Variants in REPS2 observed in about 807,000 individuals in gnomAD.
The protein encoded by REPS2 is RALBP1 associated Eps domain containing 2.
REPS2 carries 23 observed loss-of-function variants against 53.6 expected under a neutral mutation model. The observed-to-expected ratio is 0.43, with a 90% CI of 0.31 to 0.61. The LOEUF (loss-of-function observed/expected upper bound fraction) is 0.61, where lower values mean the gene tolerates loss of function less well. Ranked by LOEUF, REPS2 falls within the 20% of genes least tolerant of loss-of-function variation. The pLI, the probability that REPS2 is intolerant of heterozygous loss-of-function variation, is 0.11. For synonymous variants in REPS2, 238 were observed against 218.6 expected (o/e 1.09, Z -0.78); for missense variants, 446 against 534.9 (o/e 0.83, Z 1.64).
chrX:17,060,039 G>A (rs777074693), intron 8 of REPS2, among the ~76,000 whole-genome samples: 3 of 84,227 alleles, frequency 3.6e-5, no homozygotes, highest in South Asian at 5.5e-4. Flanking sequence ...GGTGGCTCAC[G>A]CCTGTAATCC....
intron 5 of REPS2, among the ~76,000 whole-genome samples, chrX:17,039,139 G>A (rs1426303536): frequency 8.9e-6 from 1 of 111,733 alleles, no homozygotes; most frequent in Non-Finnish European, 1.9e-5. Flanking sequence ...TCATCGCTTC[G>A]TTAATGGAAG....
chrX:17,161,448 A>G, the REPS2 span, among the ~76,000 whole-genome samples: 1 of 111,706 alleles, frequency 9.0e-6, no homozygotes, highest in African/African-American at 3.3e-5. Flanking sequence ...GAGGAATGCA[A>G]GGCAACCATA....
chrX:17,065,463 C>T (rs2062212590), intron 9 of REPS2, among the ~76,000 whole-genome samples: 2 of 112,684 alleles, frequency 1.8e-5, no homozygotes. Context: ...AATTGCATTA[C>T]TTGTCTATTG....
rs534599006 is a variant in REPS2, at chrX:17,100,482, C to T, written c.1517-3236C>T. On this transcript the variant is annotated intron_variant, in intron 13 of 17. Coordinates refer to ENST00000357277, the MANE Select transcript of REPS2 (RefSeq NM_004726.3). ...TGCTGAAATGGTGTACCGCAGGCCTCGGCTAATGGCCCTCCTCTCAGCCGA... is the reference window on the plus strand; with the variant it reads ...TGCTGAAATGGTGTACCGCAGGCCTTGGCTAATGGCCCTCCTCTCAGCCGA... 3.5e-4 allele frequency among the ~76,000 whole-genome samples: 39 copies of T among 112,319 alleles called. No individual in the cohort carries two copies. The South Asian group carries it at 5.5e-3, about 16-fold the overall frequency.
Position 16,946,729 on chromosome X carries a change from G to GGGT in REPS2, c.-124_-122dup, listed in dbSNP as rs1407996395. On this transcript the variant is annotated 5_prime_UTR_variant, in exon 1 of 18. Transcript: ENST00000357277. Reference sequence around the variant, plus strand: ...GCCGCGCGGCAGCTGCGGGGCGTGGGGGTGGTGGTGGCGGCGGCGGTGGTG... The same window carrying GGGT: ...GCCGCGCGGCAGCTGCGGGGCGTGGGGGTGGTGGTGGTGGCGGCGGCGGTGGTG... 53 of 668,654 alleles carry GGGT rather than the reference G, an allele frequency of 7.9e-5. No individual in the cohort carries two copies. The African/African-American group carries it at 1.1e-3, about 14-fold the overall frequency. The allele number at this position is 668,654 out of a possible 1,213,427, so 55.1% of individuals were successfully genotyped here. A position where few individuals can be genotyped will look rare whatever the true frequency, so the allele number is the denominator to read the frequency against.
chrX:16,968,949 G>C (rs1369381694), intron 1 of REPS2, among the ~76,000 whole-genome samples: 2 of 110,716 alleles, frequency 1.8e-5, no homozygotes, highest in African/African-American at 6.6e-5. Flanking sequence ...GCCGGGCGGA[G>C]GGGCCCCTCA....
chrX:17,104,352 A>G (rs1356462882), intron 14 of REPS2, among the ~76,000 whole-genome samples: 1 of 112,131 alleles, frequency 8.9e-6, no homozygotes, highest in African/African-American at 3.2e-5. Context: ...ATGTGCCACT[A>G]TGGCCTTATT....
chrX:17,099,788 A>G (rs1330406614), intron 13 of REPS2: 1 of 562,261 alleles, frequency 1.8e-6, no homozygotes, highest in African/African-American at 2.2e-5. Flanking sequence ...AATTCTTGTC[A>G]TCATCCTCTT....
At chrX:17,171,661 A>G in the REPS2 span, among the ~76,000 whole-genome samples, 1 of 110,142 alleles carries the variant, frequency 9.1e-6, no homozygotes, top group Non-Finnish European at 1.9e-5. Flanking sequence ...CTGGGACTAC[A>G]GGTGCACACC....
intron 14 of REPS2, among the ~76,000 whole-genome samples, chrX:17,131,381 A>G (rs780966411): frequency 1.8e-5 from 2 of 111,487 alleles, no homozygotes; most frequent in South Asian, 7.6e-4. Flanking sequence ...AAATGGGGGT[A>G]TGTTAGCGCC....
chrX:16,978,353 C>A (rs1290344985), intron 1 of REPS2, among the ~76,000 whole-genome samples: 1 of 111,829 alleles, frequency 8.9e-6, no homozygotes, highest in Non-Finnish European at 1.9e-5. Flanking sequence ...GCACAGAAGA[C>A]CTTTTACTCA....
chrX:16,974,337 A>T lies in REPS2; in HGVS notation c.273+27203A>T, dbSNP rs188917945. 4.9e-4 allele frequency among the ~76,000 whole-genome samples: 55 copies of T among 111,386 alleles called. No homozygotes were observed. The East Asian group carries it at 0.013, about 26-fold the overall frequency. ...TTTTGAACAATGACAAATTTATGAC[A>T]TTGTTTTGTAGAATGTACCAAATTT... On this transcript the variant is annotated intron_variant, in intron 1 of 17. Transcript: ENST00000357277.
At chrX:17,168,516 G>A in the REPS2 span, among the ~76,000 whole-genome samples, 1 of 111,127 alleles carries the variant, frequency 9.0e-6, no homozygotes, top group African/African-American at 3.3e-5. Context: ...CTGTCTGAGA[G>A]GCATCCCATA....
At chrX:16,951,945 T>G (rs1042618103) in intron 1 of REPS2, among the ~76,000 whole-genome samples, 2 of 111,773 alleles carry the variant, frequency 1.8e-5, no homozygotes, top group Admixed American at 1.9e-4. Context: ...GGGAACATTA[T>G]TTTTTCAAAG....
In REPS2 at chrX:17,135,254, T is replaced by C. The variant is rs2063350388; in HGVS notation, c.1663-7T>C. 2.5e-6 allele frequency: 3 copies of C among 1,195,952 alleles called. No homozygotes were observed. The South Asian group carries it at 5.5e-5, about 22-fold the overall frequency. On this transcript the variant is annotated splice_polypyrimidine_tract_variant and splice_region_variant and intron_variant, in intron 15 of 17. Transcript: ENST00000357277. ...TTTTTAATTTTTATTTTGTTTTAAATCCACAGGATGTACTGTATTCTCAGC... is the reference window on the plus strand; with the variant it reads ...TTTTTAATTTTTATTTTGTTTTAAACCCACAGGATGTACTGTATTCTCAGC...
At chrX:17,061,635 C>T (rs762269401) in intron 8 of REPS2, among the ~76,000 whole-genome samples, 14 of 112,612 alleles carry the variant, frequency 1.2e-4, no homozygotes, top group Non-Finnish European at 1.9e-4. Context: ...TATTATCTGC[C>T]ACAGTCTGCT....
At chrX:17,061,088 C>T (rs936688553) in intron 8 of REPS2, among the ~76,000 whole-genome samples, 2 of 111,356 alleles carry the variant, frequency 1.8e-5, no homozygotes, top group Non-Finnish European at 3.8e-5. Context: ...CATGATAAAG[C>T]ATCAGTCATA....
At chrX:16,966,394 G>A (rs1236948619) in intron 1 of REPS2, among the ~76,000 whole-genome samples, 1 of 111,664 alleles carries the variant, frequency 9.0e-6, no homozygotes, top group African/African-American at 3.3e-5. Flanking sequence ...GAAGTGTTTT[G>A]GATTTTGGAT....
intron 7 of REPS2, among the ~76,000 whole-genome samples, chrX:17,054,244 A>C (rs930782295): frequency 8.9e-6 from 1 of 112,445 alleles, no homozygotes; most frequent in African/African-American, 3.2e-5. Flanking sequence ...TTTTTTATTG[A>C]GCTTACTTGT....
Sources: gnomAD v4.1 joint callset for allele counts (sites outside exome capture counted in the v4.1 genomes callset) on GRCh38, gnomAD v4.1.1 for gene constraint, MANE v1.5 for transcripts, NCBI Gene and HGNC (gene_info 2026-07-23, HGNC 2026-07-21) for gene names.